LGSN: variants seen among roughly 807,000 people sequenced by gnomAD.
LGSN encodes the protein lengsin, lens protein with glutamine synthetase domain, also known as lengsin.
In LGSN, 21 loss-of-function variants were observed where a neutral mutation model predicts 19.5. The ratio of observed to expected loss-of-function variants is 1.07; its 90% CI spans 0.76 to 1.55. LGSN has a LOEUF of 1.55. Ranked by LOEUF, LGSN falls within the 40% of genes most tolerant of loss-of-function variation. The pLI, the probability that LGSN is intolerant of heterozygous loss-of-function variation, is 0.00. For synonymous variants in LGSN, 257 were observed against 215.6 expected (o/e 1.19, Z -1.68); for missense variants, 673 against 608.5 (o/e 1.11, Z -1.12).
intron 2 of LGSN, among the ~76,000 whole-genome samples, chr6:63,291,399 C>T (rs1470543006): frequency 6.6e-6 from 1 of 152,066 alleles, no homozygotes; most frequent in East Asian, 1.9e-4. Context: ...ATGGAGGTGG[C>T]TCTCAGTGGG....
chr6:63,367,356 A>G, the LGSN span, among the ~76,000 whole-genome samples: 1 of 152,188 alleles, frequency 6.6e-6, no homozygotes, highest in East Asian at 1.9e-4. Context: ...ATCATTACTG[A>G]TCATCAGAGA....
intron 1 of LGSN, among the ~76,000 whole-genome samples, chr6:63,312,786 A>G (rs191309211): frequency 6.6e-6 from 1 of 152,320 alleles, no homozygotes; most frequent in Admixed American, 6.5e-5. Flanking sequence ...CGAAATGAGC[A>G]TAGTGCAGAC....
the LGSN span, among the ~76,000 whole-genome samples, chr6:63,504,624 A>G: frequency 6.6e-6 from 1 of 152,006 alleles, no homozygotes; most frequent in South Asian, 2.1e-4. Flanking sequence ...TTGAATTTTT[A>G]ATAGAGACAG....
At chr6:63,493,808 G>C in the LGSN span, among the ~76,000 whole-genome samples, 2 of 152,002 alleles carry the variant, frequency 1.3e-5, no homozygotes, top group East Asian at 3.9e-4. Context: ...AGCATCCCCT[G>C]GGAATGACTT....
the LGSN span, among the ~76,000 whole-genome samples, chr6:63,381,005 T>C: frequency 6.6e-6 from 1 of 152,108 alleles, no homozygotes; most frequent in African/African-American, 2.4e-5. Flanking sequence ...GAGATCAGCC[T>C]GGGCAACACG....
the LGSN span, among the ~76,000 whole-genome samples, chr6:63,344,490 C>A: frequency 6.6e-6 from 1 of 152,102 alleles, no homozygotes; most frequent in African/African-American, 2.4e-5. Flanking sequence ...AAGAAGAAAT[C>A]ATGCAGTTCA....
the LGSN span, among the ~76,000 whole-genome samples, chr6:63,418,324 A>G: frequency 6.6e-6 from 1 of 152,146 alleles, no homozygotes; most frequent in Non-Finnish European, 1.5e-5. Flanking sequence ...GCACTTTGGG[A>G]GGCCGAGGTG....
At chr6:63,292,258 T>G (rs768591074) in intron 2 of LGSN, among the ~76,000 whole-genome samples, 4 of 152,198 alleles carry the variant, frequency 2.6e-5, no homozygotes, top group Non-Finnish European at 4.4e-5. Context: ...AACCTAGACT[T>G]CTAACATACA....
the LGSN span, among the ~76,000 whole-genome samples, chr6:63,357,389 A>G: frequency 2.6e-4 from 40 of 152,154 alleles, no homozygotes; most frequent in African/African-American, 8.9e-4. Flanking sequence ...CTAGTTCTAG[A>G]TCCCTGAAGA....
chr6:63,386,987 G>C, the LGSN span, among the ~76,000 whole-genome samples: 1 of 152,114 alleles, frequency 6.6e-6, no homozygotes, highest in South Asian at 2.1e-4. Flanking sequence ...TGTAATCCCA[G>C]CAACTCAGGA....
the LGSN span, among the ~76,000 whole-genome samples, chr6:63,509,531 T>C: frequency 6.6e-6 from 1 of 152,286 alleles, no homozygotes; most frequent in Admixed American, 6.5e-5. Context: ...ATATCAAATA[T>C]TAATTATACC....
chr6:63,400,589 A>C, the LGSN span, among the ~76,000 whole-genome samples: 1 of 152,218 alleles, frequency 6.6e-6, no homozygotes, highest in Admixed American at 6.5e-5. Flanking sequence ...GCATATCTCT[A>C]CTAACCTTTA....
chr6:63,295,145 A>G, intron 1 of LGSN, 100 bp from the exon 2 acceptor site: 1 of 1,061,446 alleles, frequency 9.4e-7, no homozygotes, highest in Non-Finnish European at 1.4e-6. Flanking sequence ...TTTTTTAATG[A>G]GCATAGAAGA....
the LGSN span, among the ~76,000 whole-genome samples, chr6:63,342,927 T>C: frequency 1.3e-5 from 2 of 152,232 alleles, no homozygotes; most frequent in African/African-American, 4.8e-5. Context: ...ATCTCCTCTC[T>C]CCCCTACATT....
chr6:63,405,340 C>T, the LGSN span, among the ~76,000 whole-genome samples: 1 of 152,114 alleles, frequency 6.6e-6, no homozygotes, highest in Non-Finnish European at 1.5e-5. Context: ...ATGGCTGGGT[C>T]AACTGGTATT....
chr6:63,496,130 G>T, the LGSN span, among the ~76,000 whole-genome samples: 5 of 152,124 alleles, frequency 3.3e-5, no homozygotes, highest in South Asian at 1.0e-3. Flanking sequence ...TTCACATGTT[G>T]GCCAGGCTGG....
chr6:63,531,927 A>G, the LGSN span, among the ~76,000 whole-genome samples: 1 of 151,522 alleles, frequency 6.6e-6, no homozygotes. Context: ...CAGCCTCCCG[A>G]GTAGCTGGAA....
At chr6:63,362,427 G>A in the LGSN span, among the ~76,000 whole-genome samples, 164 of 152,298 alleles carry the variant, frequency 1.1e-3, 1 homozygote, top group African/African-American at 3.5e-3. Context: ...GCAAGGGGTC[G>A]GGGAATTCCC....
At chr6:63,519,190 C>T in the LGSN span, among the ~76,000 whole-genome samples, 1 of 151,976 alleles carries the variant, frequency 6.6e-6, no homozygotes, top group Non-Finnish European at 1.5e-5. Flanking sequence ...GCCTGTAATC[C>T]CAGCTACTCA....
Sources: gnomAD v4.1 joint callset for allele counts (sites outside exome capture counted in the v4.1 genomes callset) on GRCh38, gnomAD v4.1.1 for gene constraint, MANE v1.5 for transcripts, NCBI Gene and HGNC (gene_info 2026-07-23, HGNC 2026-07-21) for gene names.